Variants in PIK3R6 observed in about 807,000 individuals in gnomAD.
PIK3R6 encodes the protein phosphoinositide 3-kinase regulatory subunit 6.
Under a neutral mutation model 84.9 loss-of-function variants are expected in PIK3R6, and 91 were observed. That is an observed-to-expected ratio of 1.07 (90% CI 0.90 to 1.28). The LOEUF (loss-of-function observed/expected upper bound fraction) is 1.28, where lower values mean the gene tolerates loss of function less well. PIK3R6 is among the 50% of genes most tolerant of loss of function. PIK3R6 has a pLI of 0.00. For synonymous variants in PIK3R6, 416 were observed against 411.4 expected (o/e 1.01, Z -0.13); for missense variants, 996 against 985.1 (o/e 1.01, Z -0.15).
intron 1 of PIK3R6, among the ~76,000 whole-genome samples, chr17:8,857,523 A>G (rs2151311404): frequency 6.6e-6 from 1 of 152,328 alleles, no homozygotes; most frequent in East Asian, 1.9e-4. Flanking sequence ...TGGGTTAATA[A>G]TGAACACGGG....
Position 8,823,067 on chromosome 17 carries a change from C to T in PIK3R6, c.1646G>A (p.Ser549Asn), listed in dbSNP as rs1408098249. The T allele has an allele frequency of 6.2e-7, 1 of 1,606,988 alleles. No homozygotes were observed. The highest frequency in any genetic ancestry group is 2.2e-5 in the East Asian group (1 of 44,844). Residue 549 changes from serine (S) to asparagine (N), a missense_variant, in exon 15 of 20, where the codon AGC (serine) becomes AAC (asparagine). Transcript: ENST00000619866. ...YTVKIFFSDL[S>N]QDPTEDIFLI... ...GAAAATGTCCTCAGTAGGGTCTTGG[C>T]TCAGGTCACTGAAAAAGATCTGGAG...
chr17:8,850,310 A>G (rs1210090340), intron 1 of PIK3R6, among the ~76,000 whole-genome samples: 1 of 151,864 alleles, frequency 6.6e-6, no homozygotes, highest in African/African-American at 2.4e-5. Flanking sequence ...CAAAAAAAAA[A>G]AAAAAAGAAA....
intron 7 of PIK3R6, 110 bp downstream of exon 7, chr17:8,836,437 A>T: frequency 8.5e-7 from 1 of 1,175,442 alleles, no homozygotes; most frequent in Non-Finnish European, 1.3e-6. Flanking sequence ...GAGGTCTGCT[A>T]GGGCTCTTCT....
At position 8,803,842 on chromosome 17, in the gene PIK3R6, C is replaced by T. The variant is rs2087117242; in HGVS notation, c.2108+199G>A. Reference sequence around the variant, plus strand: ...ATATCAGCTGCTGCCCTGGGTATGCCATTCATTTGCCTCGACTTCCTGGAT... The same window carrying T: ...ATATCAGCTGCTGCCCTGGGTATGCTATTCATTTGCCTCGACTTCCTGGAT... On this transcript the variant is annotated intron_variant, in intron 19 of 19. Coordinates refer to ENST00000619866, the MANE Select transcript of PIK3R6 (RefSeq NM_001010855.4). This position sits in a 1 kb window ranked among gnomAD's most constrained non-coding sequence, Gnocchi z 5.0. 3.3e-6 allele frequency: 2 copies of T among 603,276 alleles called. No homozygotes were observed. Among genetic ancestry groups the T allele is most frequent in the Non-Finnish European group, 5.9e-6 (2 of 338,490 alleles). The allele number at this position is 603,276 out of a possible 1,614,324, so 37.4% of individuals were successfully genotyped here.
chr17:8,846,477 T>G (rs1409043519), intron 2 of PIK3R6, among the ~76,000 whole-genome samples: 1 of 152,160 alleles, frequency 6.6e-6, no homozygotes, highest in Non-Finnish European at 1.5e-5. Context: ...TTTAGAATAG[T>G]TTTTTTCTAG....
chr17:8,864,980 A>G (rs1200988938), intron 1 of PIK3R6, among the ~76,000 whole-genome samples: 1 of 151,876 alleles, frequency 6.6e-6, no homozygotes. Flanking sequence ...ACAGCTCATC[A>G]CTCCCTTGGG....
chr17:8,827,754 AGAGAGAGAG>A lies in PIK3R6; in HGVS notation c.1392+349_1392+357del, dbSNP rs1163319612. Among the ~76,000 whole-genome samples the A allele has an allele frequency of 2.9e-3, 211 of 73,216 alleles. 5 individuals are homozygous for A. Among genetic ancestry groups the A allele is most frequent in the African/African-American group, 3.9e-3 (51 of 13,182 alleles). The allele number at this position is 73,216 out of a possible 152,430, so 48.0% of individuals were successfully genotyped here. On this transcript the variant is annotated intron_variant, in intron 12 of 19. Transcript: ENST00000619866. Reference sequence around the variant, plus strand: ...AGGGGAGGGAAGGGGAGAGAGAGAGAGAGAGAGAGGAGAGAGAGAGAGAGAGAGAGAGAG... The same window carrying A: ...AGGGGAGGGAAGGGGAGAGAGAGAGAGAGAGAGAGAGAGAGAGAGAGAGAG...
intron 1 of PIK3R6, among the ~76,000 whole-genome samples, chr17:8,864,356 C>T (rs1443561961): frequency 1.3e-5 from 2 of 151,864 alleles, no homozygotes; most frequent in Non-Finnish European, 2.9e-5. Context: ...GACCTATAAT[C>T]ACAATGTTCA....
chr17:8,805,964 C>G (rs2087194328), intron 18 of PIK3R6, among the ~76,000 whole-genome samples: 1 of 112,158 alleles, frequency 8.9e-6, no homozygotes, highest in African/African-American at 3.6e-5. Flanking sequence ...GTGCTCTGTG[C>G]TCTGGAGCTG....
chr17:8,855,753 C>T (rs956235987), intron 1 of PIK3R6, among the ~76,000 whole-genome samples: 17 of 152,220 alleles, frequency 1.1e-4, no homozygotes, highest in Admixed American at 1.3e-4. Flanking sequence ...CAAAATGGCA[C>T]AGCCGTTCTG....
intron 9 of PIK3R6, among the ~76,000 whole-genome samples, chr17:8,832,375 CTTTTTTTTTT>C (rs759188865): frequency 9.0e-5 from 7 of 77,796 alleles, no homozygotes; most frequent in African/African-American, 2.7e-4. Flanking sequence ...TACCCACCTT[CTTTTTTTTTT>C]TTTTTTTTTT....
chr17:8,866,597 T>C (rs1235547998), intron 1 of PIK3R6, among the ~76,000 whole-genome samples: 1 of 151,894 alleles, frequency 6.6e-6, no homozygotes, highest in Admixed American at 6.6e-5. Context: ...CTAGCTGTGC[T>C]CCCCCCAACA....
intron 10 of PIK3R6, among the ~76,000 whole-genome samples, 177 bp downstream of exon 10, chr17:8,829,529 G>GAC (rs752582684): frequency 1.6e-5 from 1 of 62,516 alleles, no homozygotes; most frequent in South Asian, 4.7e-4. Context: ...CACACACACT[G>GAC]ACACACGCAT....
chr17:8,857,900 CAA>C lies in PIK3R6; in HGVS notation c.-91-8017_-91-8016del, dbSNP rs531309380. ...GGGCAACAAGAGTGAAACTCTGTCT[CAA>C]AAAAAAAAAAAAAAAAGGGAAAGTA... On this transcript the variant is annotated intron_variant, in intron 1 of 19. Transcript: ENST00000619866. Among the ~76,000 whole-genome samples, 94 of 93,834 alleles carry C rather than the reference CAA, an allele frequency of 1.0e-3. 1 individual carries two copies. The highest frequency in any genetic ancestry group is 4.5e-3 in the South Asian group (14 of 3,114). 61.6% of individuals were successfully genotyped at this position (93,834 alleles called of 152,430 possible).
At chr17:8,864,994 C>T (rs2089373961) in intron 1 of PIK3R6, among the ~76,000 whole-genome samples, 1 of 152,110 alleles carries the variant, frequency 6.6e-6, no homozygotes, top group South Asian at 2.1e-4. Flanking sequence ...CCTTGGGGTA[C>T]AACAAGCCCA....
chr17:8,821,042 C>T (rs1051229444), intron 17 of PIK3R6, among the ~76,000 whole-genome samples: 4 of 152,218 alleles, frequency 2.6e-5, no homozygotes, highest in African/African-American at 9.7e-5. Flanking sequence ...CATGCCAGGA[C>T]ATGTCATGGA....
chr17:8,863,412 A>G (rs2089326305), intron 1 of PIK3R6, among the ~76,000 whole-genome samples: 1 of 152,172 alleles, frequency 6.6e-6, no homozygotes, highest in African/African-American at 2.4e-5. Context: ...TATACAATAC[A>G]CCATTATTAA....
chr17:8,807,948 T>A (rs2087250523), intron 18 of PIK3R6, among the ~76,000 whole-genome samples: 1 of 152,088 alleles, frequency 6.6e-6, no homozygotes. Flanking sequence ...ACTTTCCTGG[T>A]GTTAGCACTT....
At chr17:8,837,323 T>G (rs2088510665) in intron 5 of PIK3R6, among the ~76,000 whole-genome samples, 1 of 152,034 alleles carries the variant, frequency 6.6e-6, no homozygotes, top group Admixed American at 6.5e-5. Flanking sequence ...TGCTCCACAG[T>G]GCCCGGGAGG....
Sources: gnomAD v4.1 joint callset for allele counts (sites outside exome capture counted in the v4.1 genomes callset) on GRCh38, gnomAD v4.1.1 for gene constraint, Gnocchi (gnomAD v3.1) non-coding constraint, MANE v1.5 for transcripts, NCBI Gene and HGNC (gene_info 2026-07-23, HGNC 2026-07-21) for gene names.